CLUL1: variants seen among roughly 807,000 people sequenced by gnomAD.
The protein encoded by CLUL1 is clusterin-like protein 1.
Under a neutral mutation model 49.4 loss-of-function variants are expected in CLUL1, and 43 were observed. That is an observed-to-expected ratio of 0.87 (90% CI 0.68 to 1.12). CLUL1 has a LOEUF of 1.12. CLUL1 is among the 50% of genes most tolerant of loss of function. The pLI, the probability that CLUL1 is intolerant of heterozygous loss-of-function variation, is 0.00. For missense variants in CLUL1, 486 were observed against 544.4 expected, an observed-to-expected ratio of 0.89 and a Z score of 1.07; for synonymous variants, 192 against 184.9, an observed-to-expected ratio of 1.04 and a Z score of -0.31.
In CLUL1 at chr18:648,032, A is replaced by G. The variant is rs942340211; in HGVS notation, c.1398-1866A>G. ...TTAATTAATAAACACGTGTAAATGA[A>G]TATCAGTAGACTACAACAAGAGTAA... On this transcript the variant is annotated intron_variant, in intron 9 of 9. Transcript: ENST00000692774. 2.0e-5 allele frequency among the ~76,000 whole-genome samples: 3 copies of G among 152,238 alleles called. No homozygotes were observed. In the East Asian group the frequency reaches 5.8e-4, roughly 29 times the overall value.
chr18:623,762 CAGT>C (rs989645691), intron 4 of CLUL1, among the ~76,000 whole-genome samples: 2 of 151,740 alleles, frequency 1.3e-5, no homozygotes, highest in African/African-American at 4.8e-5. Flanking sequence ...GGGGCCCTGG[CAGT>C]TTTCTTACGT....
intron 8 of CLUL1, among the ~76,000 whole-genome samples, chr18:642,330 GC>G (rs1458908113): frequency 6.6e-6 from 1 of 152,144 alleles, no homozygotes; most frequent in African/African-American, 2.4e-5. Context: ...TACTCAGGAG[GC>G]TGAGGCAGGA....
chr18:619,268 T>A lies in CLUL1; in HGVS notation c.162T>A (p.Thr54=). 1 of 1,613,878 alleles carries A rather than the reference T, an allele frequency of 6.2e-7. No homozygotes were observed. Among genetic ancestry groups the A allele is most frequent in the Non-Finnish European group, 8.5e-7 (1 of 1,179,908 alleles). The change falls in exon 4 of 10, where the codon ACT becomes ACA. Residue 54 remains threonine (T), a synonymous_variant. Coordinates refer to ENST00000692774, the MANE Select transcript of CLUL1 (RefSeq NM_001393344.1). ...DADEEVKKAL[T]GIKQMKIMME... ...ATGAAGAGGTGAAGAAGGCTTTGAC[T>A]GGTATTAAGCAAATGAAAATCATGA...
At chr18:611,481 T>G (rs1301338724) in intron 2 of CLUL1, among the ~76,000 whole-genome samples, 1 of 152,080 alleles carries the variant, frequency 6.6e-6, no homozygotes, top group African/African-American at 2.4e-5. Flanking sequence ...GGAGGATCAC[T>G]TGAGCCCAGG....
chr18:617,543 C>T (rs1026231341), intron 2 of CLUL1, among the ~76,000 whole-genome samples: 6 of 134,702 alleles, frequency 4.5e-5, no homozygotes, highest in African/African-American at 1.7e-4. Context: ...TGCGGTGGGC[C>T]GAGATCACGC....
chr18:606,860 C>A lies in CLUL1; in HGVS notation c.-135-118C>A, dbSNP rs533243116. On this transcript the variant is annotated intron_variant, in intron 1 of 9. Coordinates refer to ENST00000692774, the MANE Select transcript of CLUL1 (RefSeq NM_001393344.1). The surrounding 1 kb of genome is among the most constrained non-coding windows in gnomAD (Gnocchi z 4.1). Reference sequence around the variant, plus strand: ...TCTGCCTTCCCCCACCAGCACCCCCCACAAGGCAAGGCCAGTTCACCCTCA... The same window carrying A: ...TCTGCCTTCCCCCACCAGCACCCCCAACAAGGCAAGGCCAGTTCACCCTCA... 1.7e-4 allele frequency: 88 copies of A among 507,810 alleles called. No individual in the cohort carries two copies. Among genetic ancestry groups the A allele is most frequent in the Non-Finnish European group, 2.7e-4 (77 of 286,366 alleles). The allele number at this position is 507,810 out of a possible 1,614,324, so 31.5% of individuals were successfully genotyped here. A position where few individuals can be genotyped will look rare whatever the true frequency, so the allele number is the denominator to read the frequency against.
intron 6 of CLUL1, among the ~76,000 whole-genome samples, chr18:630,377 G>A (rs774927196): frequency 6.7e-6 from 1 of 149,772 alleles, no homozygotes; most frequent in Middle Eastern, 3.4e-3. Flanking sequence ...CCAAAGTGCT[G>A]GGATTACAGG....
intron 2 of CLUL1, among the ~76,000 whole-genome samples, chr18:614,999 C>A (rs184845246): frequency 1.3e-5 from 2 of 152,346 alleles, no homozygotes; most frequent in African/African-American, 4.8e-5. Flanking sequence ...AACAATAAAC[C>A]TGACATTTTG....
intron 8 of CLUL1, among the ~76,000 whole-genome samples, chr18:642,666 C>T (rs915639986): frequency 1.3e-5 from 2 of 152,110 alleles, no homozygotes; most frequent in Non-Finnish European, 2.9e-5. Context: ...CTGGGCAGAG[C>T]AATTGAAGAT....
intron 4 of CLUL1, 23 bp from the exon 5 acceptor site, chr18:624,842 C>T: frequency 6.2e-7 from 1 of 1,610,556 alleles, no homozygotes. Context: ...GGAAATTGGA[C>T]TTTTGTTTCT....
intron 2 of CLUL1, among the ~76,000 whole-genome samples, chr18:608,689 G>C (rs539143171): frequency 2.4e-4 from 37 of 152,210 alleles, no homozygotes; most frequent in Non-Finnish European, 3.2e-4. Flanking sequence ...CTACACTCCA[G>C]CCTGGGCAAC....
chr18:638,790 G>A (rs116061740), intron 7 of CLUL1, among the ~76,000 whole-genome samples: 21,129 of 151,676 alleles, frequency 0.14, 2,189 homozygotes, highest in African/African-American at 0.29. Flanking sequence ...ACCAGAAGCC[G>A]GAGGTTGCAG....
Position 650,000 on chromosome 18 carries a change from G to A in CLUL1, c.*99G>A. On this transcript the variant is annotated 3_prime_UTR_variant, in exon 10 of 10. Transcript: ENST00000692774. Reference sequence around the variant, plus strand: ...AAAGGATAATGCAATAAACACAGTTGCAGGAAAGTATGTTAGCTATATACT... The same window carrying A: ...AAAGGATAATGCAATAAACACAGTTACAGGAAAGTATGTTAGCTATATACT... 1 of 833,364 alleles carries A rather than the reference G, an allele frequency of 1.2e-6. No individual in the cohort carries two copies. Among genetic ancestry groups the A allele is most frequent in the Non-Finnish European group, 1.9e-6 (1 of 513,274 alleles). The allele number at this position is 833,364 out of a possible 1,614,324, so 51.6% of individuals were successfully genotyped here.
At chr18:603,654 A>C (rs1050042169) in intron 1 of CLUL1, among the ~76,000 whole-genome samples, 16 of 152,044 alleles carry the variant, frequency 1.1e-4, no homozygotes, top group Non-Finnish European at 2.2e-4. Context: ...TATTAGATGC[A>C]CTCGTGTGTG....
chr18:618,165 G>A lies in CLUL1; in HGVS notation c.106+59G>A, dbSNP rs2073364863. On this transcript the variant is annotated intron_variant, in intron 3 of 9. Transcript: ENST00000692774. The surrounding 1 kb of genome is among the most constrained non-coding windows in gnomAD (Gnocchi z 4.2). The stretch of plus-strand genomic sequence containing the variant: ...TTTGCATGTTGGTTGTCCTGCTGGC[G>A]TTTATAGTGAGTCGCAGTTGAGAGA... 6 of 1,278,510 alleles carry A rather than the reference G, an allele frequency of 4.7e-6. No individual in the cohort carries two copies. Among genetic ancestry groups the A allele is most frequent in the South Asian group, 2.4e-5 (2 of 82,750 alleles). 79.2% of individuals were successfully genotyped at this position (1,278,510 alleles called of 1,614,324 possible). A position where few individuals can be genotyped will look rare whatever the true frequency, so the allele number is the denominator to read the frequency against.
intron 1 of CLUL1, among the ~76,000 whole-genome samples, chr18:599,910 T>C (rs1042343167): frequency 5.4e-5 from 8 of 149,304 alleles, no homozygotes; most frequent in African/African-American, 1.2e-4. Context: ...ATCGCGCCAC[T>C]GCACTCCAGT....
chr18:619,256 G>A lies in CLUL1; in HGVS notation c.150G>A (p.Lys50=), dbSNP rs1475347989. The A allele has an allele frequency of 6.2e-7, 1 of 1,613,806 alleles. No homozygotes were observed. The highest frequency in any genetic ancestry group is 1.3e-5 in the African/African-American group (1 of 74,870). The part of the protein sequence containing the change: ...VGEIDADEEV[K]KALTGIKQMK... ...AGATAGATGCAGATGAAGAGGTGAAGAAGGCTTTGACTGGTATTAAGCAAA... is the reference window on the plus strand; with the variant it reads ...AGATAGATGCAGATGAAGAGGTGAAAAAGGCTTTGACTGGTATTAAGCAAA... The change falls in exon 4 of 10, where the codon AAG becomes AAA. Residue 50 remains lysine (K), a synonymous_variant. Transcript: ENST00000692774.
chr18:620,024 CT>C (rs1279792027), intron 4 of CLUL1, among the ~76,000 whole-genome samples: 10 of 152,148 alleles, frequency 6.6e-5, no homozygotes, highest in Admixed American at 4.6e-4. Context: ...GATTTTTGGT[CT>C]CTCATTCCTA....
intron 6 of CLUL1, among the ~76,000 whole-genome samples, chr18:629,739 T>C (rs2144092804): frequency 6.6e-6 from 1 of 152,344 alleles, no homozygotes; most frequent in East Asian, 1.9e-4. Context: ...GTTACACTAT[T>C]GTACTCTTCT....
Sources: gnomAD v4.1 joint callset for allele counts (sites outside exome capture counted in the v4.1 genomes callset) on GRCh38, gnomAD v4.1.1 for gene constraint, Gnocchi (gnomAD v3.1) non-coding constraint, MANE v1.5 for transcripts, NCBI Gene and HGNC (gene_info 2026-07-23, HGNC 2026-07-21) for gene names.